Variants in LMO7 observed in about 807,000 individuals in gnomAD.
LMO7 encodes LIM domain only protein 7.
Under a neutral mutation model 206.5 loss-of-function variants are expected in LMO7, and 120 were observed. That is an observed-to-expected ratio of 0.58 (90% confidence interval 0.50 to 0.68). LMO7 has a LOEUF of 0.68. Among genes scored for constraint, LMO7 ranks in the 30% least tolerant of loss-of-function variants. The pLI, the probability that LMO7 is intolerant of heterozygous loss-of-function variation, is 0.00. For synonymous variants in LMO7, 706 were observed against 681.5 expected, an observed-to-expected ratio of 1.04 and a Z score of -0.56; for missense variants, 1,959 against 1,957.9, an observed-to-expected ratio of 1.00 and a Z score of -0.01.
intron 3 of LMO7, among the ~76,000 whole-genome samples, chr13:75,741,368 A>T (rs544318297): frequency 1.2e-4 from 19 of 152,348 alleles, no homozygotes; most frequent in African/African-American, 4.3e-4. Flanking sequence ...CTTGTGTAAG[A>T]ATTTATAGCA....
Position 75,856,530 on chromosome 13 carries a change from G to A in LMO7, c.4795G>A (p.Gly1599Arg), listed in dbSNP as rs745910250. ...GTGTGTTGCCTGTGAGTGTGACCTC[G>A]GAGGCTCTTCCTCAGGAGCTGAAGT... ...FKCVACECDL[G>R]GSSSGAEVRI... The change falls in exon 30 of 31, where the codon GGA becomes AGA. Residue 1599 changes from glycine (G) to arginine (R), a missense_variant. By Grantham distance (125) the Gly-to-Arg change is moderately radical (BLOSUM62 -2). Transcript: ENST00000377534. 3.4e-5 allele frequency: 55 copies of A among 1,609,318 alleles called. No individual in the cohort carries two copies. The highest frequency in any genetic ancestry group is 1.6e-4 in the Middle Eastern group (1 of 6,076).
At chr13:75,818,832 G>A (rs2057310356) in intron 12 of LMO7, among the ~76,000 whole-genome samples, 1 of 152,094 alleles carries the variant, frequency 6.6e-6, no homozygotes, top group Admixed American at 6.6e-5. Flanking sequence ...CTGAACTTTT[G>A]TTTATATGTC....
intron 4 of LMO7, among the ~76,000 whole-genome samples, chr13:75,792,092 C>T (rs1376352006): frequency 6.6e-6 from 1 of 152,060 alleles, no homozygotes; most frequent in East Asian, 1.9e-4. Flanking sequence ...CCTCAGCCTC[C>T]CAAGTAGCTG....
intron 1 of LMO7, among the ~76,000 whole-genome samples, chr13:75,702,197 T>C (rs1566326156): frequency 6.6e-6 from 1 of 152,200 alleles, no homozygotes; most frequent in Non-Finnish European, 1.5e-5. Flanking sequence ...AGTTAGCTTT[T>C]AATTATCTGG....
intron 1 of LMO7, among the ~76,000 whole-genome samples, chr13:75,657,166 C>T (rs1158271988): frequency 1.3e-5 from 2 of 152,160 alleles, no homozygotes; most frequent in African/African-American, 4.8e-5. Flanking sequence ...AACCACCAGC[C>T]TGTGGGAACA....
In LMO7 at chr13:75,715,679, G is replaced by A. The variant is rs1250044839; in HGVS notation, c.140+2427G>A. On this transcript the variant is annotated intron_variant, in intron 2 of 30. Coordinates refer to ENST00000377534, the MANE Select transcript of LMO7 (RefSeq NM_001306080.2). ...TTGTTCATAGTCACTGTTTGATGAC[G>A]ACACATTCATCTAAAAGCTGTGGTG... 7.9e-5 allele frequency among the ~76,000 whole-genome samples: 12 copies of A among 152,158 alleles called. 1 individual carries two copies. Among genetic ancestry groups the A allele is most frequent in the Admixed American group, 7.8e-4 (12 of 15,288 alleles).
chr13:75,773,550 T>A (rs1342989748), intron 4 of LMO7, among the ~76,000 whole-genome samples: 1 of 151,872 alleles, frequency 6.6e-6, no homozygotes, highest in Non-Finnish European at 1.5e-5. Context: ...AGTGAACAGG[T>A]AGATGAAGAA....
At chr13:75,797,992 C>T (rs1317272526) in intron 6 of LMO7, among the ~76,000 whole-genome samples, 1 of 152,138 alleles carries the variant, frequency 6.6e-6, no homozygotes, top group Non-Finnish European at 1.5e-5. Context: ...AATGGTGAGG[C>T]TTTAGTGGAG....
At chr13:75,798,168 C>T (rs905988664) in intron 6 of LMO7, among the ~76,000 whole-genome samples, 3 of 152,074 alleles carry the variant, frequency 2.0e-5, no homozygotes, top group South Asian at 2.1e-4. Flanking sequence ...GTTGTGAGTT[C>T]GAGACCAGCC....
chr13:75,732,530 A>AT (rs937337367), intron 3 of LMO7, among the ~76,000 whole-genome samples: 5 of 151,800 alleles, frequency 3.3e-5, no homozygotes, highest in African/African-American at 1.2e-4. Flanking sequence ...ATTCGTCTAA[A>AT]TTTTTTTCAA....
At chr13:75,784,454 A>T (rs1399466956) in intron 4 of LMO7, among the ~76,000 whole-genome samples, 1 of 152,158 alleles carries the variant, frequency 6.6e-6, no homozygotes, top group African/African-American at 2.4e-5. Flanking sequence ...TAAAATTTTG[A>T]AACCTCCCAC....
chr13:75,670,227 T>C (rs1193351801), intron 1 of LMO7, among the ~76,000 whole-genome samples: 1 of 152,160 alleles, frequency 6.6e-6, no homozygotes, highest in Non-Finnish European at 1.5e-5. Context: ...GTAGGGGAAG[T>C]TCAGATTTTA....
At chr13:75,635,285 A>G (rs896324081), upstream of LMO7, among the ~76,000 whole-genome samples, 1 of 152,130 alleles carries the variant, frequency 6.6e-6, no homozygotes, top group African/African-American at 2.4e-5. Context: ...CCAAAGATGA[A>G]GCCATCAACC....
At chr13:75,694,014 T>TA (rs58590514) in intron 1 of LMO7, among the ~76,000 whole-genome samples, 169 of 145,840 alleles carry the variant, frequency 1.2e-3, no homozygotes, top group South Asian at 5.0e-3. Context: ...GACCTTAAAA[T>TA]AAAAAAAAAA....
intron 1 of LMO7, among the ~76,000 whole-genome samples, chr13:75,696,391 G>A (rs1367590997): frequency 6.6e-6 from 1 of 151,848 alleles, no homozygotes; most frequent in African/African-American, 2.4e-5. Flanking sequence ...ACAAAAACCC[G>A]AAGCATTTAA....
rs532522648 is a variant in LMO7, at chr13:75,638,135, TG to T, written c.69+1413del. Among the ~76,000 whole-genome samples, 47 of 152,300 alleles carry T rather than the reference TG, an allele frequency of 3.1e-4. 1 individual carries two copies. In the South Asian group the frequency reaches 9.3e-3, roughly 30 times the overall value. On this transcript the variant is annotated intron_variant, in intron 1 of 30. Coordinates refer to ENST00000377534, the MANE Select transcript of LMO7 (RefSeq NM_001306080.2). ...AACTTGCCATTTTGTGTTTGAGTGTTGGGGATTGAAGGAGGGAGAAGGGGAG... is the reference window on the plus strand; with the variant it reads ...AACTTGCCATTTTGTGTTTGAGTGTTGGGATTGAAGGAGGGAGAAGGGGAG...
intron 1 of LMO7, among the ~76,000 whole-genome samples, chr13:75,640,261 G>A (rs755778503): frequency 5.3e-5 from 2 of 37,946 alleles, no homozygotes; most frequent in Non-Finnish European, 1.2e-4. Flanking sequence ...CCTGGCCTGG[G>A]CTCTGCTATT....
intron 15 of LMO7, 92 bp from the exon 16 acceptor site, chr13:75,832,959 C>T (rs1339559331): frequency 2.9e-6 from 2 of 680,180 alleles, no homozygotes; most frequent in Non-Finnish European, 5.4e-6. Context: ...TCAAGTCTAC[C>T]TAGCGTGCAG....
chr13:75,627,705 T>C (rs559411439), intron 2 of LMO7: 36 of 150,806 alleles, frequency 2.4e-4, no homozygotes, highest in African/African-American at 7.8e-4. Context: ...ACAGACTTTA[T>C]TTTTTTTTCG....
Sources: gnomAD v4.1 joint callset for allele counts (sites outside exome capture counted in the v4.1 genomes callset) on GRCh38, gnomAD v4.1.1 for gene constraint, MANE v1.5 for transcripts, NCBI Gene and HGNC (gene_info 2026-07-23, HGNC 2026-07-21) for gene names.